The following SLC4A10 variants were observed in gnomAD, a reference collection of about 807,000 sequenced individuals.
SLC4A10 encodes solute carrier family 4 member 10.
A neutral mutation model predicts 137.7 loss-of-function variants in SLC4A10; 42 were observed. The ratio of observed to expected loss-of-function variants is 0.30; its 90% CI spans 0.24 to 0.39. The LOEUF (loss-of-function observed/expected upper bound fraction) is 0.39. SLC4A10 is among the 10% of genes least tolerant of loss of function. The pLI, the probability that SLC4A10 is intolerant of heterozygous loss-of-function variation, is 1.00. For synonymous variants in SLC4A10, 474 were observed against 464.1 expected (o/e 1.02, Z -0.27); for missense variants, 925 against 1,355.0 (o/e 0.68, Z 4.98).
chr2:161,709,130 AT>A (rs1223535994), intron 1 of SLC4A10, among the ~76,000 whole-genome samples: 1 of 151,318 alleles, frequency 6.6e-6, no homozygotes, highest in African/African-American at 2.4e-5. Context: ...GGCACTTCAG[AT>A]TTTTCCAGAT....
At chr2:161,741,303 C>G (rs1462937589) in intron 1 of SLC4A10, among the ~76,000 whole-genome samples, 1 of 149,254 alleles carries the variant, frequency 6.7e-6, no homozygotes, top group Non-Finnish European at 1.5e-5. Flanking sequence ...GTCCTCCGCT[C>G]TACCAACTGA....
chr2:161,681,464 C>G (rs2040841537), intron 1 of SLC4A10, among the ~76,000 whole-genome samples: 1 of 152,070 alleles, frequency 6.6e-6, no homozygotes, highest in Admixed American at 6.6e-5. Context: ...AATTTTAATT[C>G]AGTATACTTT....
chr2:161,949,004 A>C, intron 17 of SLC4A10, 144 bp from the exon 18 acceptor site: 2 of 530,160 alleles, frequency 3.8e-6, no homozygotes, highest in Non-Finnish European at 6.6e-6. Context: ...GACAGAGCTA[A>C]TGGTAATCTT....
chr2:161,738,042 A>G (rs2047522456), intron 1 of SLC4A10, among the ~76,000 whole-genome samples: 1 of 152,142 alleles, frequency 6.6e-6, no homozygotes, highest in African/African-American at 2.4e-5. Flanking sequence ...CTGGATCCAG[A>G]CCAGTTTCTG....
chr2:161,720,439 A>C (rs563497439), intron 1 of SLC4A10, among the ~76,000 whole-genome samples: 62 of 152,244 alleles, frequency 4.1e-4, no homozygotes, highest in African/African-American at 1.4e-3. Flanking sequence ...GAAGAAAGTC[A>C]TTGGTAGCTT....
At chr2:161,806,268 A>T (rs1321974518) in intron 3 of SLC4A10, among the ~76,000 whole-genome samples, 2 of 152,072 alleles carry the variant, frequency 1.3e-5, no homozygotes, top group Admixed American at 6.6e-5. Context: ...TGGGTCTGTG[A>T]TGGGAGGGGC....
rs1255114480 is a variant in SLC4A10 at position 161,964,143 on chromosome 2, T to C, written c.2871T>C (p.Asp957=). ...TCTGTTTAATCTTTTAGTTCTTTGA[T>C]AGGATAAAGCTCTTCTGGATGCCGG... is the stretch of plus-strand genomic sequence containing the variant. ...ASSLKGIQFF[D]RIKLFWMPAK... Residue 957 remains aspartate (D), a synonymous_variant, in exon 22 of 27, where the codon GAT becomes GAC. Coordinates refer to ENST00000446997, the MANE Select transcript of SLC4A10 (RefSeq NM_001178015.2). 2 of 1,599,674 alleles carry C rather than the reference T, an allele frequency of 1.3e-6. No individual in the cohort carries two copies. Among genetic ancestry groups the C allele is most frequent in the South Asian group, 1.1e-5 (1 of 88,392 alleles).
intron 1 of SLC4A10, among the ~76,000 whole-genome samples, chr2:161,735,189 C>G (rs2047219430): frequency 6.7e-6 from 1 of 148,974 alleles, no homozygotes; most frequent in Non-Finnish European, 1.5e-5. Context: ...AATTTTAACT[C>G]TTAGTAACCT....
intron 2 of SLC4A10, among the ~76,000 whole-genome samples, chr2:161,795,970 A>G (rs1356585450): frequency 6.6e-6 from 1 of 151,986 alleles, no homozygotes; most frequent in Admixed American, 6.6e-5. Flanking sequence ...GCAGGTTCTT[A>G]TACATAATTT....
intron 3 of SLC4A10, among the ~76,000 whole-genome samples, chr2:161,811,869 C>A (rs2056585255): frequency 6.6e-6 from 1 of 152,018 alleles, no homozygotes; most frequent in African/African-American, 2.4e-5. Flanking sequence ...TAATTGACCT[C>A]TTCCTCTTGA....
chr2:161,717,649 A>G (rs1559096828), intron 1 of SLC4A10, among the ~76,000 whole-genome samples: 1 of 152,138 alleles, frequency 6.6e-6, no homozygotes, highest in Non-Finnish European at 1.5e-5. Flanking sequence ...AGTAGACTTG[A>G]TTGCGATGGA....
intron 6 of SLC4A10, among the ~76,000 whole-genome samples, chr2:161,866,262 A>G (rs1449744364): frequency 6.6e-6 from 1 of 152,012 alleles, no homozygotes. Context: ...GGTCTTCCCC[A>G]TTTTAAAGAT....
intron 1 of SLC4A10, among the ~76,000 whole-genome samples, chr2:161,726,365 A>G (rs1333340418): frequency 1.3e-5 from 2 of 152,314 alleles, no homozygotes; most frequent in Non-Finnish European, 2.9e-5. Context: ...TACTTTTCCT[A>G]TCTCCAGAAG....
intron 1 of SLC4A10, among the ~76,000 whole-genome samples, chr2:161,696,390 G>A (rs1372035438): frequency 1.3e-5 from 2 of 148,762 alleles, no homozygotes; most frequent in African/African-American, 2.5e-5. Flanking sequence ...GTGCCATGCT[G>A]GTGTGCTGCA....
intron 2 of SLC4A10, among the ~76,000 whole-genome samples, chr2:161,795,019 T>C (rs905806110): frequency 3.9e-5 from 6 of 152,242 alleles, no homozygotes; most frequent in African/African-American, 1.4e-4. Flanking sequence ...ATAAGTCAAT[T>C]TTTATTGCAA....
chr2:161,959,559 G>C (rs1321218728), intron 21 of SLC4A10, among the ~76,000 whole-genome samples: 2 of 152,144 alleles, frequency 1.3e-5, no homozygotes, highest in African/African-American at 4.8e-5. Context: ...GGAATCCTTA[G>C]TGTGTCCTCA....
At chr2:161,634,750 C>A (rs1317336550) in intron 1 of SLC4A10, among the ~76,000 whole-genome samples, 1 of 151,864 alleles carries the variant, frequency 6.6e-6, no homozygotes, top group African/African-American at 2.4e-5. Flanking sequence ...TTGAAATATA[C>A]AATATATGTG....
chr2:161,854,412 C>G (rs1296758116), intron 4 of SLC4A10, among the ~76,000 whole-genome samples: 6 of 152,110 alleles, frequency 3.9e-5, no homozygotes, highest in African/African-American at 1.2e-4. Flanking sequence ...GGTCTGAGCT[C>G]AATTCTCACA....
chr2:161,895,728 T>A (rs1165158725), intron 11 of SLC4A10, among the ~76,000 whole-genome samples: 1 of 152,212 alleles, frequency 6.6e-6, no homozygotes, highest in Non-Finnish European at 1.5e-5. Flanking sequence ...GAAGTGTCTG[T>A]TCATATCCTT....
Sources: gnomAD v4.1 joint callset for allele counts (sites outside exome capture counted in the v4.1 genomes callset) on GRCh38, gnomAD v4.1.1 for gene constraint, MANE v1.5 for transcripts, NCBI Gene and HGNC (gene_info 2026-07-23, HGNC 2026-07-21) for gene names.